CNTN1: variants seen among roughly 807,000 people sequenced by gnomAD.
CNTN1 encodes contactin-1.
A neutral mutation model predicts 126.4 loss-of-function variants in CNTN1; 38 were observed. The ratio of observed to expected loss-of-function variants is 0.30; its 90% confidence interval spans 0.23 to 0.39. The LOEUF (loss-of-function observed/expected upper bound fraction) is 0.39, where lower values mean the gene tolerates loss of function less well. Ranked by LOEUF, CNTN1 falls within the 10% of genes least tolerant of loss-of-function variation. The probability of loss-of-function intolerance (pLI) is 1.00; values close to 1 mark genes in which losing one functional copy is unlikely to be tolerated. For missense variants in CNTN1, 1,009 were observed against 1,248.4 expected, an observed-to-expected ratio of 0.81 and a Z score of 2.89; for synonymous variants, 413 against 422.6, an observed-to-expected ratio of 0.98 and a Z score of 0.28.
chr12:40,752,885 TTCAA>T (rs1938457402), intron 1 of CNTN1, among the ~76,000 whole-genome samples: 2 of 152,152 alleles, frequency 1.3e-5, no homozygotes, highest in South Asian at 4.1e-4. Flanking sequence ...GATTATCTCA[TTCAA>T]TCAATTTATG....
Position 40,781,826 on chromosome 12 carries a change from C to T in CNTN1, c.-77+89234C>T, listed in dbSNP as rs566173330. 3.0e-3 allele frequency among the ~76,000 whole-genome samples: 458 copies of T among 151,978 alleles called. 3 individuals carry two copies. The highest frequency in any genetic ancestry group is 9.4e-3 in the African/African-American group (391 of 41,494). ...AATGGATCCTTATTGATTTATTTAACGCATGTTTATATTTTGGTTTCTGCA... is the reference window on the plus strand; with the variant it reads ...AATGGATCCTTATTGATTTATTTAATGCATGTTTATATTTTGGTTTCTGCA... On this transcript the variant is annotated intron_variant, in intron 1 of 23. Coordinates refer to ENST00000551295, the MANE Select transcript of CNTN1 (RefSeq NM_001843.4).
At chr12:40,848,257 C>A (rs1359997014) in intron 1 of CNTN1, among the ~76,000 whole-genome samples, 1 of 152,192 alleles carries the variant, frequency 6.6e-6, no homozygotes, top group Non-Finnish European at 1.5e-5. Flanking sequence ...GCATCTGATA[C>A]TCTTCTCTAC....
At chr12:40,698,762 A>C (rs936951491) in intron 1 of CNTN1, among the ~76,000 whole-genome samples, 5 of 152,046 alleles carry the variant, frequency 3.3e-5, no homozygotes, top group African/African-American at 1.2e-4. Flanking sequence ...AAGATGTCTG[A>C]AGTCTTTTGC....
chr12:40,978,338 TCATATCAGTGGAAC>T (rs142813906), intron 15 of CNTN1, among the ~76,000 whole-genome samples: 2,409 of 152,006 alleles, frequency 0.016, 56 homozygotes, highest in African/African-American at 0.055. Flanking sequence ...AAAATCTACT[TCATATCAGTGGAAC>T]CATTACCGAG....
chr12:40,871,186 G>GAAAA (rs201485882), intron 1 of CNTN1, among the ~76,000 whole-genome samples: 4 of 113,550 alleles, frequency 3.5e-5, no homozygotes, highest in Non-Finnish European at 7.9e-5. Context: ...CTGTTACAGA[G>GAAAA]AAAAAAAAAA....
At position 41,057,466 on chromosome 12, in the gene CNTN1, G is replaced by A. The variant is rs537207926; in HGVS notation, c.2981-12493G>A. Reference sequence around the variant, plus strand: ...GTTTAATGTGCAACTAATTTAGCTCGGTGAAATATTTTTGATATGTATTAA... The same window carrying A: ...GTTTAATGTGCAACTAATTTAGCTCAGTGAAATATTTTTGATATGTATTAA... On this transcript the variant is annotated intron_variant, in intron 23 of 23. Coordinates refer to ENST00000551295, the MANE Select transcript of CNTN1 (RefSeq NM_001843.4). Among the ~76,000 whole-genome samples, 17 of 151,682 alleles carry A rather than the reference G, an allele frequency of 1.1e-4. No individual in the cohort carries two copies. In the East Asian group the frequency reaches 1.2e-3, roughly 10 times the overall value.
At chr12:40,832,968 C>G (rs1337562537) in intron 1 of CNTN1, among the ~76,000 whole-genome samples, 1 of 152,206 alleles carries the variant, frequency 6.6e-6, no homozygotes, top group East Asian at 1.9e-4. Context: ...CCCCTCTCTC[C>G]CTCTGCCTCC....
intron 9 of CNTN1, among the ~76,000 whole-genome samples, chr12:40,935,371 G>T (rs562039141): frequency 1.3e-5 from 2 of 152,126 alleles, no homozygotes; most frequent in South Asian, 4.2e-4. Context: ...ATTTTGAACT[G>T]TCTAATATCT....
chr12:40,959,324 C>A, intron 15 of CNTN1, 90 bp downstream of exon 15: 1 of 1,397,196 alleles, frequency 7.2e-7, no homozygotes, highest in Non-Finnish European at 1.0e-6. Context: ...GGTGCAAATT[C>A]TTACATATTT....
intron 23 of CNTN1, among the ~76,000 whole-genome samples, chr12:41,062,268 T>TA (rs1215733710): frequency 6.6e-6 from 1 of 152,184 alleles, no homozygotes; most frequent in African/African-American, 2.4e-5. Flanking sequence ...GCTAACTTTC[T>TA]AAAAAGACAC....
chr12:40,792,871 A>G (rs1940270797), intron 1 of CNTN1, among the ~76,000 whole-genome samples: 1 of 152,126 alleles, frequency 6.6e-6, no homozygotes, highest in South Asian at 2.1e-4. Context: ...ACCCGAAAAT[A>G]TATTTCTTTG....
chr12:40,906,752 C>A (rs1357311602), intron 1 of CNTN1, among the ~76,000 whole-genome samples: 1 of 109,662 alleles, frequency 9.1e-6, no homozygotes, highest in Non-Finnish European at 1.9e-5. Flanking sequence ...GATCTCGGCT[C>A]ACTGCAACCT....
chr12:40,977,726 A>T (rs1183390972), intron 15 of CNTN1, among the ~76,000 whole-genome samples: 2 of 152,080 alleles, frequency 1.3e-5, no homozygotes, highest in Non-Finnish European at 2.9e-5. Context: ...GCTGAGAACT[A>T]CATTCTTTAA....
At chr12:40,769,901 T>G (rs1939266085) in intron 1 of CNTN1, among the ~76,000 whole-genome samples, 1 of 152,130 alleles carries the variant, frequency 6.6e-6, no homozygotes, top group South Asian at 2.1e-4. Flanking sequence ...TGTAAATATC[T>G]CTAACAGAAC....
intron 1 of CNTN1, among the ~76,000 whole-genome samples, chr12:40,824,909 T>C (rs1196567930): frequency 6.6e-6 from 1 of 152,156 alleles, no homozygotes; most frequent in Non-Finnish European, 1.5e-5. Flanking sequence ...CTAGCAGTTA[T>C]TTTACATATA....
rs530781886 is a variant in CNTN1, at chr12:41,021,136, A to G, written c.2523+696A>G. Reference sequence around the variant, plus strand: ...TTTAAGTGCAAGAAGTGAAAATTCAAAGGAATTAACATGGTTTTTCCTTTA... The same window carrying G: ...TTTAAGTGCAAGAAGTGAAAATTCAGAGGAATTAACATGGTTTTTCCTTTA... On this transcript the variant is annotated intron_variant, in intron 20 of 23. Transcript: ENST00000551295. Among the ~76,000 whole-genome samples, 3 of 152,334 alleles carry G rather than the reference A, an allele frequency of 2.0e-5. No homozygotes were observed. The South Asian group carries it at 6.2e-4, about 32-fold the overall frequency.
chr12:40,933,919 T>C, intron 9 of CNTN1, 41 bp downstream of exon 9: 2 of 1,516,406 alleles, frequency 1.3e-6, no homozygotes, highest in Non-Finnish European at 1.8e-6. Flanking sequence ...TTCATCAGTA[T>C]CTTATTTAGA....
rs961823855 is a variant in CNTN1, at chr12:40,769,192, T to TA, written c.-77+76608dup. 1.4e-4 allele frequency among the ~76,000 whole-genome samples: 22 copies of TA among 152,040 alleles called. No homozygotes were observed. In the South Asian group the frequency reaches 2.7e-3, roughly 19 times the overall value. On this transcript the variant is annotated intron_variant, in intron 1 of 23. Coordinates refer to ENST00000551295, the MANE Select transcript of CNTN1 (RefSeq NM_001843.4). ...TTTCATTCCTAGATTCAACATGCTT[T>TA]AAAAAAAACATAAAATAAAAATAAG...
chr12:40,995,913 A>G (rs1429289237), intron 17 of CNTN1, among the ~76,000 whole-genome samples: 2 of 152,188 alleles, frequency 1.3e-5, no homozygotes, highest in Non-Finnish European at 2.9e-5. Context: ...TAATTCCCAC[A>G]ATAACTTTAT....
Sources: allele counts gnomAD v4.1 joint callset (sites outside exome capture counted in the v4.1 genomes callset), GRCh38; gene constraint gnomAD v4.1.1; transcripts MANE v1.5; gene names NCBI Gene and HGNC (gene_info 2026-07-23, HGNC 2026-07-21).